The following SH3D21 variants were observed in gnomAD, a reference collection of about 807,000 sequenced individuals.
The protein encoded by SH3D21 is manchette microtubule inner protein 1, also known as SH3 domain-containing protein 21.
Under a neutral mutation model 82.1 loss-of-function variants are expected in SH3D21, and 83 were observed. The ratio of observed to expected loss-of-function variants is 1.01; its 90% confidence interval spans 0.85 to 1.21. The LOEUF (loss-of-function observed/expected upper bound fraction) is 1.21. SH3D21 is among the 50% of genes most tolerant of loss of function. SH3D21 has a pLI of 0.00. For synonymous variants in SH3D21, 383 were observed against 387.8 expected (o/e 0.99, Z 0.15); for missense variants, 980 against 962.1 (o/e 1.02, Z -0.25).
At chr1:36,317,823 CAA>C (rs1329699872) in intron 10 of SH3D21, among the ~76,000 whole-genome samples, 1 of 152,228 alleles carries the variant, frequency 6.6e-6, no homozygotes, top group Non-Finnish European at 1.5e-5. Flanking sequence ...CTTGGACTCT[CAA>C]AGTGCCGGGA....
Position 36,307,560 on chromosome 1 carries a change from G to A in SH3D21, c.389G>A (p.Gly130Glu). The stretch of plus-strand genomic sequence containing the variant: ...CTGGGGAAGAAGAACGGGCAGCTGG[G>A]AGCCTTCCCATCCAACTTTGTGGAA... ...WWLGKKNGQL[G>E]AFPSNFVELL... Residue 130 changes from glycine to glutamate, a missense_variant, in exon 5 of 16, where the codon GGA becomes GAA. Physicochemically the swap from Gly to Glu is moderately conservative, Grantham distance 98 (BLOSUM62 -2). Transcript: ENST00000453908. The surrounding 1 kb of genome is among the most constrained non-coding windows in gnomAD (Gnocchi z 5.4). 1 of 1,551,672 alleles carries A rather than the reference G, an allele frequency of 6.4e-7. No homozygotes were observed. Among genetic ancestry groups the A allele is most frequent in the Non-Finnish European group, 8.7e-7 (1 of 1,146,986 alleles).
intron 10 of SH3D21, among the ~76,000 whole-genome samples, chr1:36,310,838 T>C (rs1570379905): frequency 6.6e-6 from 1 of 152,226 alleles, no homozygotes; most frequent in East Asian, 1.9e-4. Context: ...AATTCATTTT[T>C]GTTTTTGAGC....
At position 36,307,757 on chromosome 1, in the gene SH3D21, T is replaced by C; in HGVS notation, c.437-13T>C. On this transcript the variant is annotated splice_polypyrimidine_tract_variant and intron_variant, in intron 5 of 15. Transcript: ENST00000453908. This position sits in a 1 kb window ranked among gnomAD's most constrained non-coding sequence, Gnocchi z 5.4. Reference sequence around the variant, plus strand: ...GAATTAGCACCCTCCCTAACCTCACTGTCCCCCACTAGGCCTTGGTAACCC... The same window carrying C: ...GAATTAGCACCCTCCCTAACCTCACCGTCCCCCACTAGGCCTTGGTAACCC... 1 of 1,551,476 alleles carries C rather than the reference T, an allele frequency of 6.4e-7. No individual in the cohort carries two copies.
chr1:36,321,437 A>G, downstream of SH3D21: 2 of 1,179,748 alleles, frequency 1.7e-6, no homozygotes, highest in Admixed American at 3.9e-5. This position sits in a 1 kb window ranked among gnomAD's most constrained non-coding sequence, Gnocchi z 6.1. Flanking sequence ...CACTGGAGAA[A>G]TGGCGGGCAG....
At position 36,309,595 on chromosome 1, in the gene SH3D21, G is replaced by C. The variant is rs1028473792; in HGVS notation, c.769+5G>C. On this transcript the variant is annotated splice_donor_5th_base_variant and intron_variant, in intron 10 of 15. Transcript: ENST00000453908. The stretch of plus-strand genomic sequence containing the variant: ...AAGTGGTATCTCGGGAATCAGGTGA[G>C]TGCCCGGGGAGCCTGGGATTGGGGG... 27 of 1,551,558 alleles carry C rather than the reference G, an allele frequency of 1.7e-5. No individual in the cohort carries two copies. In the Admixed American group the frequency reaches 1.8e-4, roughly 10 times the overall value.
chr1:36,324,436 G>A (rs941529814), downstream of SH3D21: 2 of 152,280 alleles, frequency 1.3e-5, no homozygotes, highest in African/African-American at 2.4e-5. Context: ...TGTGGCGGGG[G>A]GCTTCCTTCT....
At chr1:36,311,300 G>A (rs1227894769) in intron 10 of SH3D21, among the ~76,000 whole-genome samples, 1 of 152,008 alleles carries the variant, frequency 6.6e-6, no homozygotes, top group Non-Finnish European at 1.5e-5. Flanking sequence ...GAATGCAGTG[G>A]CGCAATCTGG....
At chr1:36,320,860 C>A in intron 14 of SH3D21, 55 bp from the exon 15 acceptor site, 1 of 1,550,558 alleles carries the variant, frequency 6.4e-7, no homozygotes, top group Non-Finnish European at 8.7e-7. Context: ...ACCTGCGCAG[C>A]CCCTCACCTC....
intron 9 of SH3D21, among the ~76,000 whole-genome samples, chr1:36,308,858 G>T (rs1224282034): frequency 6.6e-6 from 1 of 151,770 alleles, no homozygotes; most frequent in Non-Finnish European, 1.5e-5. Flanking sequence ...TGGCATGCAT[G>T]TGTAATCCCA....
Position 36,320,678 on chromosome 1 carries a change from T to A in SH3D21, c.2015T>A (p.Leu672His). Residue 672 changes from leucine to histidine, a missense_variant, in exon 14 of 16, where the codon CTC (leucine) becomes CAC (histidine). Coordinates refer to ENST00000453908, the MANE Select transcript of SH3D21 (RefSeq NM_001162530.2). ...PPPDSQETLA[L>H]PSLVPQNYTE... ...CCAGACTCCCAAGAGACGCTCGCGCTCCCCTCGCTGGTCCCGCAAAACTAC... is the reference window on the plus strand; with the variant it reads ...CCAGACTCCCAAGAGACGCTCGCGCACCCCTCGCTGGTCCCGCAAAACTAC... The A allele has an allele frequency of 6.2e-7, 1 of 1,614,126 alleles. No individual in the cohort carries two copies. Among genetic ancestry groups the A allele is most frequent in the Non-Finnish European group, 8.5e-7 (1 of 1,180,024 alleles).
At chr1:36,309,709 C>A in intron 10 of SH3D21, 119 bp downstream of exon 10, 2 of 1,103,134 alleles carry the variant, frequency 1.8e-6, no homozygotes, top group Non-Finnish European at 1.3e-6. Flanking sequence ...AGCCCCCTCA[C>A]CTGTGGGTCA....
chr1:36,308,773 A>G (rs1478533667), intron 9 of SH3D21, among the ~76,000 whole-genome samples: 1 of 152,194 alleles, frequency 6.6e-6, no homozygotes, highest in African/African-American at 2.4e-5. Context: ...TCACAAAGTC[A>G]GGAGTTCAAG....
chr1:36,320,451 C>T lies in SH3D21; in HGVS notation c.1788C>T (p.Asp596=), dbSNP rs1646429988. ...TTLPEEAPSN[D]ERTPEEEAPP... ...TTCCAGAGGAGGCACCTTCCAATGA[C>T]GAGAGGACCCCTGAAGAGGAGGCGC... Residue 596 remains aspartate (D), a synonymous_variant, in exon 14 of 16, where the codon GAC becomes GAT. Transcript: ENST00000453908. The T allele has an allele frequency of 6.2e-7, 1 of 1,613,174 alleles. No homozygotes were observed. The highest frequency in any genetic ancestry group is 8.5e-7 in the Non-Finnish European group (1 of 1,179,718).
chr1:36,308,453 A>G lies in SH3D21; in HGVS notation c.704A>G (p.Asn235Ser), dbSNP rs1194211030. The stretch of plus-strand genomic sequence containing the variant: ...GGACGAAGAGGAGTTTTTCCAGACA[A>G]CTTTGTACTCCCACCACCCCCAGTG... ...CQGRRGVFPD[N>S]FVLPPPPIKK... The change falls in exon 9 of 16, where the codon AAC becomes AGC. Residue 235 changes from asparagine (N) to serine (S), a missense_variant. Transcript: ENST00000453908. 2 of 1,551,738 alleles carry G rather than the reference A, an allele frequency of 1.3e-6. No homozygotes were observed. Among genetic ancestry groups the G allele is most frequent in the Non-Finnish European group, 1.7e-6 (2 of 1,146,982 alleles).
downstream of SH3D21, chr1:36,322,427 C>G (rs1181988384): frequency 2.5e-6 from 4 of 1,602,906 alleles, no homozygotes; most frequent in Non-Finnish European, 3.4e-6. Context: ...CCAGCCGCTG[C>G]GCCCGCTCCA....
At chr1:36,323,649 G>T (rs1426711349), downstream of SH3D21, 1 of 152,134 alleles carries the variant, frequency 6.6e-6, no homozygotes, top group African/African-American at 2.4e-5. Context: ...GAAAGAGGAG[G>T]GACGGGGCGG....
chr1:36,312,046 A>T (rs989086972), intron 10 of SH3D21, among the ~76,000 whole-genome samples: 2 of 151,428 alleles, frequency 1.3e-5, no homozygotes, highest in Admixed American at 1.3e-4. Flanking sequence ...TTTTTTTGAG[A>T]CAGAGTCTTG....
downstream of SH3D21, chr1:36,321,354 C>A (rs1340361393): frequency 1.4e-6 from 2 of 1,407,944 alleles, no homozygotes; most frequent in East Asian, 2.6e-5. The surrounding 1 kb of genome is among the most constrained non-coding windows in gnomAD (Gnocchi z 6.1). Flanking sequence ...GTTCCCAAGG[C>A]CTGCGCGCGG....
intron 9 of SH3D21, among the ~76,000 whole-genome samples, chr1:36,309,045 G>A (rs1447220919): frequency 6.6e-6 from 1 of 152,122 alleles, no homozygotes; most frequent in East Asian, 1.9e-4. Context: ...GCCATAGCCT[G>A]AAGGTGATTT....
Sources: allele counts gnomAD v4.1 joint callset (sites outside exome capture counted in the v4.1 genomes callset), GRCh38; gene constraint gnomAD v4.1.1; non-coding constraint Gnocchi (gnomAD v3.1); transcripts MANE v1.5; gene names NCBI Gene and HGNC (gene_info 2026-07-23, HGNC 2026-07-21).